PNPLA8: variants seen among roughly 807,000 people sequenced by gnomAD.
PNPLA8 encodes the protein calcium-independent phospholipase A2-gamma.
In PNPLA8, 39 loss-of-function variants were observed where a neutral mutation model predicts 76.9. That is an observed-to-expected ratio of 0.51 (90% CI 0.39 to 0.66). The LOEUF is 0.66. Among genes scored for constraint, PNPLA8 ranks in the 30% least tolerant of loss-of-function variants. The pLI is 0.00. For missense variants in PNPLA8, 887 were observed against 918.0 expected (o/e 0.97, Z 0.44); for synonymous variants, 301 against 307.9 (o/e 0.98, Z 0.24).
chr7:108,484,683 G>A (rs1045778924), intron 9 of PNPLA8, among the ~76,000 whole-genome samples: 11 of 152,102 alleles, frequency 7.2e-5, no homozygotes, highest in Non-Finnish European at 1.5e-4. Flanking sequence ...AGCTGACCCT[G>A]ACAGAATAAA....
intron 10 of PNPLA8, among the ~76,000 whole-genome samples, chr7:108,474,551 A>G (rs1859847948): frequency 6.6e-6 from 1 of 152,210 alleles, no homozygotes; most frequent in Non-Finnish European, 1.5e-5. Context: ...CAATAAGAAA[A>G]ATCAGTTGTA....
At chr7:108,473,411 T>C (rs1170893272) in intron 10 of PNPLA8, among the ~76,000 whole-genome samples, 1 of 152,196 alleles carries the variant, frequency 6.6e-6, no homozygotes, top group Non-Finnish European at 1.5e-5. Flanking sequence ...TATGATTGCA[T>C]TTCCCTTGGG....
rs1373276983 is a variant in PNPLA8, at chr7:108,471,733, T to A, written c.*668A>T. 1.3e-5 allele frequency: 2 copies of A among 152,240 alleles called. No individual in the cohort carries two copies. The highest frequency in any genetic ancestry group is 1.3e-4 in the Admixed American group (2 of 15,288). The allele number at this position is 152,240 out of a possible 1,614,324, so 9.4% of individuals were successfully genotyped here. A position where few individuals can be genotyped will look rare whatever the true frequency, so the allele number is the denominator to read the frequency against. On this transcript the variant is annotated 3_prime_UTR_variant, in exon 11 of 11. Transcript: ENST00000257694. The stretch of plus-strand genomic sequence containing the variant: ...CTAGTGTTAGATCTGGAAAAGTTAA[T>A]ATAGCATTATCTTGAAATTTCAGGG...
At chr7:108,488,021 T>C in intron 8 of PNPLA8, 68 bp from the exon 9 acceptor site, 1 of 867,582 alleles carries the variant, frequency 1.2e-6, no homozygotes, top group East Asian at 2.5e-5. Flanking sequence ...AAAAATTAAA[T>C]ACTATTTAGT....
rs773651908 is a variant in PNPLA8 at position 108,497,502 on chromosome 7, G to T, written c.1434C>A (p.Tyr478Ter). 6.2e-7 allele frequency: 1 copy of T among 1,608,762 alleles called. No individual in the cohort carries two copies. The highest frequency in any genetic ancestry group is 2.2e-5 in the East Asian group (1 of 44,700). ...AATTACCTGTGCTTACACCACAAAT[G>T]TAATCAAAGAGCTGATGAACTGGCT... ...TQKPVHQLFD[Y>*]ICGVSTGAIL... Residue 478 changes from tyrosine (Y) to a stop codon, truncating the protein, a stop_gained, in exon 6 of 11, where the codon TAC becomes TAA. Coordinates refer to ENST00000257694, the MANE Select transcript of PNPLA8 (RefSeq NM_001256007.3). LOFTEE classifies it high-confidence loss of function.
At position 108,517,431 on chromosome 7, in the gene PNPLA8, T is replaced by A. The variant is rs1184762737; in HGVS notation, c.-83-1857A>T. Among the ~76,000 whole-genome samples the A allele has an allele frequency of 3.9e-5, 6 of 152,334 alleles. No individual in the cohort carries two copies. The South Asian group carries it at 8.3e-4, about 21-fold the overall frequency. ...TTACCCAAAGGAGCTGAAGACTAAG[T>A]CCATAATAAAATCTGCACGAGGATG... On this transcript the variant is annotated intron_variant, in intron 2 of 10. Coordinates refer to ENST00000257694, the MANE Select transcript of PNPLA8 (RefSeq NM_001256007.3).
chr7:108,477,707 C>A (rs1045679570), intron 10 of PNPLA8, among the ~76,000 whole-genome samples: 14 of 152,044 alleles, frequency 9.2e-5, no homozygotes, highest in African/African-American at 3.4e-4. Context: ...AAAAAAAGGT[C>A]TGAAAAATTA....
chr7:108,509,160 A>G (rs9718618), intron 4 of PNPLA8, among the ~76,000 whole-genome samples: 17,358 of 65,328 alleles, frequency 0.27, 3,925 homozygotes, highest in East Asian at 0.34. Flanking sequence ...GGCAACAAAA[A>G]ACAAAATTGA....
At position 108,472,386 on chromosome 7, in the gene PNPLA8, A is replaced by T; in HGVS notation, c.*15T>A. On this transcript the variant is annotated 3_prime_UTR_variant, in exon 11 of 11. Transcript: ENST00000257694. ...TAAACAGACCTTCATTTATGAGAAC[A>T]TAAGCATATACTCATCACAATTTTG... 6.6e-7 allele frequency: 1 copy of T among 1,515,018 alleles called. No individual in the cohort carries two copies. Among genetic ancestry groups the T allele is most frequent in the Non-Finnish European group, 8.9e-7 (1 of 1,122,208 alleles). The allele number at this position is 1,515,018 out of a possible 1,614,324, so 93.8% of individuals were successfully genotyped here. A position where few individuals can be genotyped will look rare whatever the true frequency, so the allele number is the denominator to read the frequency against.
At chr7:108,487,188 T>C (rs540842593) in intron 9 of PNPLA8, among the ~76,000 whole-genome samples, 5 of 152,326 alleles carry the variant, frequency 3.3e-5, no homozygotes, top group African/African-American at 9.6e-5. Flanking sequence ...ATCCTAACTC[T>C]GTAACTTAAC....
Position 108,502,490 on chromosome 7 carries a change from C to G in PNPLA8, c.1358+1G>C. The G allele has an allele frequency of 7.7e-7, 1 of 1,300,312 alleles. No individual in the cohort carries two copies. Among genetic ancestry groups the G allele is most frequent in the Non-Finnish European group, 1.1e-6 (1 of 910,422 alleles). 80.5% of individuals were successfully genotyped at this position (1,300,312 alleles called of 1,614,324 possible). ...AAAAAGAATCATGTTCCTAGCCTTA[C>G]CTTGTTCCTCCACCATCAATTGAGA... On this transcript the variant is annotated splice_donor_variant, in intron 5 of 10. Coordinates refer to ENST00000257694, the MANE Select transcript of PNPLA8 (RefSeq NM_001256007.3). LOFTEE classifies it high-confidence loss of function.
At position 108,471,663 on chromosome 7, in the gene PNPLA8, A is replaced by C. The variant is rs1859640357; in HGVS notation, c.*738T>G. On this transcript the variant is annotated 3_prime_UTR_variant, in exon 11 of 11. Transcript: ENST00000257694. Reference sequence around the variant, plus strand: ...GTTTATTTTTGTTAATGATAGGAATATCTCCTCAGTAAGTTCAAACCATTT... The same window carrying C: ...GTTTATTTTTGTTAATGATAGGAATCTCTCCTCAGTAAGTTCAAACCATTT... 1 of 152,232 alleles carries C rather than the reference A, an allele frequency of 6.6e-6. No homozygotes were observed. The highest frequency in any genetic ancestry group is 2.1e-4 in the South Asian group (1 of 4,836). The allele number at this position is 152,232 out of a possible 1,614,324, so 9.4% of individuals were successfully genotyped here.
At chr7:108,505,704 C>A (rs974040380) in intron 4 of PNPLA8, among the ~76,000 whole-genome samples, 1 of 151,890 alleles carries the variant, frequency 6.6e-6, no homozygotes, top group Non-Finnish European at 1.5e-5. Flanking sequence ...ATTTCTTAAA[C>A]AGGACACAAA....
At chr7:108,522,187 G>A (rs1006881026) in intron 1 of PNPLA8, among the ~76,000 whole-genome samples, 3 of 151,778 alleles carry the variant, frequency 2.0e-5, no homozygotes, top group East Asian at 1.9e-4. Context: ...CCAGCTATTC[G>A]GGAGGCTGAG....
chr7:108,520,466 G>A (rs1015205486), intron 2 of PNPLA8, among the ~76,000 whole-genome samples: 1 of 152,104 alleles, frequency 6.6e-6, no homozygotes, highest in East Asian at 1.9e-4. Flanking sequence ...GGAAAGGAGG[G>A]GATAAGAGAG....
chr7:108,498,139 A>AC lies in PNPLA8; in HGVS notation c.1359-563_1359-562insG, dbSNP rs1861688444. ...TGAAAAAAAAAACAAAAAACAAAAA[A>AC]AAAAACAAAAAAAACTGGAAAACAC... On this transcript the variant is annotated intron_variant, in intron 5 of 10. Transcript: ENST00000257694. Among the ~76,000 whole-genome samples, 9 of 151,668 alleles carry AC rather than the reference A, an allele frequency of 5.9e-5. No individual in the cohort carries two copies. The South Asian group carries it at 1.9e-3, about 31-fold the overall frequency.
chr7:108,517,372 C>T (rs1207760839), intron 2 of PNPLA8, among the ~76,000 whole-genome samples: 2 of 152,174 alleles, frequency 1.3e-5, no homozygotes, highest in African/African-American at 4.8e-5. Flanking sequence ...TAAACATACT[C>T]TTAACATGAC....
chr7:108,526,778 G>A (rs141789789), upstream of PNPLA8, among the ~76,000 whole-genome samples: 640 of 152,282 alleles, frequency 4.2e-3, 1 homozygote, highest in Admixed American at 8.8e-3. Flanking sequence ...TAAAATTGTG[G>A]CATTTCATAC....
At chr7:108,499,892 T>C (rs1861819332) in intron 5 of PNPLA8, among the ~76,000 whole-genome samples, 1 of 152,188 alleles carries the variant, frequency 6.6e-6, no homozygotes, top group Non-Finnish European at 1.5e-5. Flanking sequence ...GACATGTGAA[T>C]GTTCTTCAAT....
Sources: allele counts gnomAD v4.1 joint callset (sites outside exome capture counted in the v4.1 genomes callset), GRCh38; gene constraint gnomAD v4.1.1; transcripts MANE v1.5; gene names NCBI Gene and HGNC (gene_info 2026-07-23, HGNC 2026-07-21).